The following FUT9 variants were observed in gnomAD, a reference collection of about 807,000 sequenced individuals.
FUT9 encodes the protein fucosyltransferase 9.
FUT9 carries 15 observed loss-of-function variants against 29.7 expected under a neutral mutation model. The observed-to-expected ratio is 0.51, with a 90% CI of 0.34 to 0.78. FUT9 has a LOEUF of 0.78. FUT9 is among the 30% of genes least tolerant of loss of function. The pLI is 0.01. For synonymous variants in FUT9, 169 were observed against 153.7 expected, an observed-to-expected ratio of 1.10 and a Z score of -0.74; for missense variants, 319 against 425.4, an observed-to-expected ratio of 0.75 and a Z score of 2.20.
intron 2 of FUT9, among the ~76,000 whole-genome samples, chr6:96,116,730 T>C (rs1338168468): frequency 6.6e-6 from 1 of 152,186 alleles, no homozygotes; most frequent in African/African-American, 2.4e-5. Flanking sequence ...TCTTAAATTC[T>C]GAAAAAGCCA....
At chr6:96,122,857 T>C (rs1772055420) in intron 2 of FUT9, among the ~76,000 whole-genome samples, 1 of 151,800 alleles carries the variant, frequency 6.6e-6, no homozygotes, top group South Asian at 2.1e-4. Context: ...CCATCCTGCC[T>C]AACACGGTGA....
chr6:96,182,279 T>C (rs977008388), intron 2 of FUT9, among the ~76,000 whole-genome samples: 2 of 152,096 alleles, frequency 1.3e-5, no homozygotes, highest in African/African-American at 4.8e-5. Flanking sequence ...ATTGTTTTTT[T>C]CTTGCTAATT....
chr6:96,045,983 T>G (rs1770556487), intron 1 of FUT9, among the ~76,000 whole-genome samples: 1 of 152,196 alleles, frequency 6.6e-6, no homozygotes, highest in Admixed American at 6.5e-5. Flanking sequence ...TACATCAATC[T>G]GAACTTGCTA....
chr6:96,102,219 T>A (rs1375642895), intron 1 of FUT9, among the ~76,000 whole-genome samples: 1 of 152,102 alleles, frequency 6.6e-6, no homozygotes, highest in East Asian at 1.9e-4. Context: ...AATGTTCATA[T>A]GTAGATGTAG....
chr6:96,121,977 T>C (rs2127965286), intron 2 of FUT9, among the ~76,000 whole-genome samples: 1 of 152,052 alleles, frequency 6.6e-6, no homozygotes, highest in Admixed American at 6.5e-5. Context: ...TATGATAAAG[T>C]GAGAGAAACT....
intron 1 of FUT9, among the ~76,000 whole-genome samples, chr6:96,050,161 G>A (rs1770639886): frequency 6.6e-6 from 1 of 152,040 alleles, no homozygotes; most frequent in African/African-American, 2.4e-5. Context: ...AAAAGATATA[G>A]TTATTAAGAA....
chr6:96,082,684 T>G (rs1196294887), intron 1 of FUT9, among the ~76,000 whole-genome samples: 1 of 151,962 alleles, frequency 6.6e-6, no homozygotes, highest in African/African-American at 2.4e-5. Context: ...AGTTTTCAAT[T>G]TTCTTAAAAT....
chr6:96,078,288 A>C (rs149068170), intron 1 of FUT9, among the ~76,000 whole-genome samples: 21 of 151,592 alleles, frequency 1.4e-4, no homozygotes, highest in African/African-American at 4.8e-4. Flanking sequence ...GGCTTCATAT[A>C]ATTCTGCTTT....
At chr6:96,041,142 T>C (rs1770452643) in intron 1 of FUT9, among the ~76,000 whole-genome samples, 1 of 151,758 alleles carries the variant, frequency 6.6e-6, no homozygotes, top group African/African-American at 2.4e-5. Context: ...ACTTTGTACA[T>C]GTATTTACAC....
At chr6:96,028,383 T>C (rs907781117) in intron 1 of FUT9, among the ~76,000 whole-genome samples, 34 of 151,582 alleles carry the variant, frequency 2.2e-4, no homozygotes, top group Non-Finnish European at 1.9e-4. Context: ...GGCAAAGGAA[T>C]GCTTAATTAA....
chr6:96,187,344 G>A (rs570757658), intron 2 of FUT9, among the ~76,000 whole-genome samples: 38 of 152,224 alleles, frequency 2.5e-4, no homozygotes, highest in African/African-American at 9.1e-4. Flanking sequence ...AGCCAGACTG[G>A]CAACTGCAGA....
chr6:96,086,859 G>A (rs540235171), intron 1 of FUT9, among the ~76,000 whole-genome samples: 2 of 152,234 alleles, frequency 1.3e-5, no homozygotes, highest in African/African-American at 4.8e-5. Context: ...GATACTGTCT[G>A]AACTAAGGTA....
chr6:96,169,478 T>C (rs1478248434), intron 2 of FUT9, among the ~76,000 whole-genome samples: 1 of 152,180 alleles, frequency 6.6e-6, no homozygotes, highest in East Asian at 1.9e-4. Context: ...CAATTTATTT[T>C]TCATTATTGC....
At chr6:96,129,264 CAAAAAAAAAAA>C (rs869216525) in intron 2 of FUT9, among the ~76,000 whole-genome samples, 2 of 13,316 alleles carry the variant, frequency 1.5e-4, no homozygotes, top group African/African-American at 3.1e-4. Context: ...GACTCTGTCT[CAAAAAAAAAAA>C]AAAAAAAAAA....
chr6:96,057,050 G>T (rs1262297173), intron 1 of FUT9, among the ~76,000 whole-genome samples: 1 of 152,172 alleles, frequency 6.6e-6, no homozygotes, highest in Non-Finnish European at 1.5e-5. Flanking sequence ...GCTAATAAAA[G>T]TGTTCTGGCA....
chr6:96,187,552 A>C (rs1047903774), intron 2 of FUT9, among the ~76,000 whole-genome samples: 2 of 152,276 alleles, frequency 1.3e-5, no homozygotes, highest in African/African-American at 4.8e-5. Flanking sequence ...TTACAGAAAC[A>C]ACTGGGGAAA....
intron 2 of FUT9, among the ~76,000 whole-genome samples, chr6:96,157,465 C>A (rs1323810652): frequency 1.3e-5 from 2 of 152,104 alleles, no homozygotes; most frequent in Non-Finnish European, 2.9e-5. Context: ...GGAATGTACA[C>A]TGAGTTAGAG....
chr6:96,109,911 T>G (rs1294542603), intron 1 of FUT9, among the ~76,000 whole-genome samples: 1 of 152,102 alleles, frequency 6.6e-6, no homozygotes. Context: ...CCCAGAGCAC[T>G]ATGGGTGTGA....
In FUT9 at chr6:96,213,124, G is replaced by A. The variant is rs577920244; in HGVS notation, c.*8889G>A. The stretch of plus-strand genomic sequence containing the variant: ...TTCTTTTCTTACTGCGCATTTCCAT[G>A]TGGCCATGTCACTACAAGGGGTGGG... On this transcript the variant is annotated 3_prime_UTR_variant, in exon 3 of 3. Transcript: ENST00000302103. The A allele has an allele frequency of 4.2e-5, 7 of 166,866 alleles. No individual in the cohort carries two copies. Among genetic ancestry groups the A allele is most frequent in the Non-Finnish European group, 8.8e-5 (6 of 68,018 alleles). The allele number at this position is 166,866 out of a possible 1,614,324, so 10.3% of individuals were successfully genotyped here. A position where few individuals can be genotyped will look rare whatever the true frequency, so the allele number is the denominator to read the frequency against.
Sources: allele counts gnomAD v4.1 joint callset (sites outside exome capture counted in the v4.1 genomes callset), GRCh38; gene constraint gnomAD v4.1.1; transcripts MANE v1.5; gene names NCBI Gene and HGNC (gene_info 2026-07-23, HGNC 2026-07-21).